CXXC4: variants seen among roughly 807,000 people sequenced by gnomAD.
CXXC4 encodes CXXC-type zinc finger protein 4.
A neutral mutation model predicts 20.5 loss-of-function variants in CXXC4; 5 were observed. The ratio of observed to expected loss-of-function variants is 0.24; its 90% CI spans 0.13 to 0.51. The LOEUF (loss-of-function observed/expected upper bound fraction) is 0.51, where lower values mean the gene tolerates loss of function less well. CXXC4 is among the 20% of genes least tolerant of loss of function. The pLI is 0.97. For missense variants in CXXC4, 419 were observed against 496.4 expected, an observed-to-expected ratio of 0.84 and a Z score of 1.48; for synonymous variants, 250 against 216.4, an observed-to-expected ratio of 1.16 and a Z score of -1.36.
chr4:104,493,365 G>GCAGA (rs1941612379), intron 1 of CXXC4, among the ~76,000 whole-genome samples: 1 of 152,126 alleles, frequency 6.6e-6, no homozygotes, highest in Non-Finnish European at 1.5e-5. Flanking sequence ...GGTCTAGAAT[G>GCAGA]CAGAGTTCAG....
At chr4:104,489,371 T>C (rs1004962147) in intron 2 of CXXC4, among the ~76,000 whole-genome samples, 11 of 152,208 alleles carry the variant, frequency 7.2e-5, no homozygotes, top group African/African-American at 2.7e-4. Context: ...TTCTTTGTGT[T>C]CAAACCTGTA....
intron 2 of CXXC4, among the ~76,000 whole-genome samples, chr4:104,487,438 T>C (rs1229448567): frequency 6.6e-6 from 1 of 152,160 alleles, no homozygotes; most frequent in Non-Finnish European, 1.5e-5. Flanking sequence ...CCTTGAGCCA[T>C]ATCAGATTGG....
chr4:104,488,728 C>T (rs1407849591), intron 2 of CXXC4, among the ~76,000 whole-genome samples: 3 of 152,166 alleles, frequency 2.0e-5, no homozygotes, highest in Non-Finnish European at 4.4e-5. Context: ...AATATCACAA[C>T]AAGCTTGTAG....
Position 104,491,414 on chromosome 4 carries a change from C to G in CXXC4, c.389G>C (p.Gly130Ala). 1 of 1,077,580 alleles carries G rather than the reference C, an allele frequency of 9.3e-7. No homozygotes were observed. The highest frequency in any genetic ancestry group is 3.5e-4 in the Middle Eastern group (1 of 2,840). 66.8% of individuals were successfully genotyped at this position (1,077,580 alleles called of 1,614,324 possible). A position where few individuals can be genotyped will look rare whatever the true frequency, so the allele number is the denominator to read the frequency against. ...GGAGGATTTCCTGCCGCCCCCACCA[C>G]CCCCGCCCCCGCCTCCGCCGCCGCC... ...GGGGGGGGGG[G>A]GGGGRKSSSA... The change falls in exon 2 of 3, where the codon GGT becomes GCT. Residue 130 changes from glycine to alanine, a missense_variant. This residue lies in a region of CXXC4 where 388 missense variants were observed against 416.0 expected (regional missense o/e 0.93). Transcript: ENST00000394767.
chr4:104,486,116 T>C (rs997609818), intron 2 of CXXC4, among the ~76,000 whole-genome samples: 3 of 152,074 alleles, frequency 2.0e-5, no homozygotes, highest in Non-Finnish European at 2.9e-5. Context: ...ATTACTTTAT[T>C]TTATTATTCC....
chr4:104,487,913 C>A (rs1464577684), intron 2 of CXXC4, among the ~76,000 whole-genome samples: 2 of 151,932 alleles, frequency 1.3e-5, no homozygotes, highest in Admixed American at 1.3e-4. Flanking sequence ...AGGGAGGAGG[C>A]TTTGAAAAAA....
intron 2 of CXXC4, among the ~76,000 whole-genome samples, chr4:104,489,281 C>T (rs1380570281): frequency 6.6e-6 from 1 of 151,998 alleles, no homozygotes; most frequent in Non-Finnish European, 1.5e-5. Flanking sequence ...ATGACATCAA[C>T]ATAATTCTGA....
At chr4:104,477,828 T>C (rs1736453831) in intron 2 of CXXC4, among the ~76,000 whole-genome samples, 2 of 152,126 alleles carry the variant, frequency 1.3e-5, no homozygotes, top group Non-Finnish European at 2.9e-5. Context: ...ATCCATATTA[T>C]GTCTGTAATG....
chr4:104,489,108 A>C (rs1736769415), intron 2 of CXXC4, among the ~76,000 whole-genome samples: 1 of 152,220 alleles, frequency 6.6e-6, no homozygotes, highest in Non-Finnish European at 1.5e-5. Context: ...CTAAGAAAAT[A>C]CATGGACCTG....
Position 104,491,068 on chromosome 4 carries a change from G to A in CXXC4, c.735C>T (p.Ile245=), listed in dbSNP as rs1736836252. 6.2e-7 allele frequency: 1 copy of A among 1,614,086 alleles called. No individual in the cohort carries two copies. The highest frequency in any genetic ancestry group is 8.5e-7 in the Non-Finnish European group (1 of 1,179,992). The change falls in exon 2 of 3, where the codon ATC becomes ATT. Residue 245 remains isoleucine (I), a synonymous_variant. Transcript: ENST00000394767. ...TFSAIPALGG[I]SLPPGVIVMT... ...TGACGATGACCCCTGGAGGTAATGA[G>A]ATGCCCCCTAAAGCCGGGATAGCGG...
At chr4:104,479,669 T>C (rs1736503747) in intron 2 of CXXC4, among the ~76,000 whole-genome samples, 1 of 152,142 alleles carries the variant, frequency 6.6e-6, no homozygotes, top group Non-Finnish European at 1.5e-5. Context: ...CCAAAATAAT[T>C]TACTTTGATT....
At chr4:104,482,096 G>T (rs1736571896) in intron 2 of CXXC4, among the ~76,000 whole-genome samples, 1 of 152,122 alleles carries the variant, frequency 6.6e-6, no homozygotes, top group Non-Finnish European at 1.5e-5. Context: ...AACAGAAGTT[G>T]AACAATGCTT....
At position 104,472,381 on chromosome 4, in the gene CXXC4, C is replaced by T; in HGVS notation, c.1060-15G>A. On this transcript the variant is annotated splice_polypyrimidine_tract_variant and intron_variant, in intron 2 of 2. Transcript: ENST00000394767. ...ACAGGTGTTCTCTATAAAAAAAGAG[C>T]AAGAAAACAAGTTAAGCTTTCTTTC... 1 of 1,584,048 alleles carries T rather than the reference C, an allele frequency of 6.3e-7. No homozygotes were observed. Among genetic ancestry groups the T allele is most frequent in the Non-Finnish European group, 8.6e-7 (1 of 1,162,472 alleles).
intron 2 of CXXC4, among the ~76,000 whole-genome samples, chr4:104,484,679 A>C (rs1337174168): frequency 6.6e-6 from 1 of 152,004 alleles, no homozygotes; most frequent in Non-Finnish European, 1.5e-5. Flanking sequence ...AGAGGAAAAA[A>C]TATTTCTCAT....
chr4:104,475,674 C>G (rs946077556), intron 2 of CXXC4, among the ~76,000 whole-genome samples: 1 of 152,052 alleles, frequency 6.6e-6, no homozygotes, highest in African/African-American at 2.4e-5. Flanking sequence ...CACCAATGTG[C>G]GGGATTAAAT....
intron 2 of CXXC4, among the ~76,000 whole-genome samples, chr4:104,475,858 T>C (rs1215148789): frequency 2.0e-5 from 3 of 152,042 alleles, no homozygotes; most frequent in South Asian, 2.1e-4. Flanking sequence ...AGGTAAAGAA[T>C]AGAATTGAGT....
At chr4:104,482,483 A>G (rs1486396954) in intron 2 of CXXC4, among the ~76,000 whole-genome samples, 5 of 152,126 alleles carry the variant, frequency 3.3e-5, no homozygotes, top group African/African-American at 9.7e-5. Context: ...CACTTCTTAT[A>G]CACCTACATA....
chr4:104,489,018 T>C (rs1356645966), intron 2 of CXXC4, among the ~76,000 whole-genome samples: 1 of 152,186 alleles, frequency 6.6e-6, no homozygotes, highest in Non-Finnish European at 1.5e-5. Flanking sequence ...CAGTATGAAC[T>C]GAATTTTAAT....
At chr4:104,486,124 T>A (rs1030062226) in intron 2 of CXXC4, among the ~76,000 whole-genome samples, 19 of 152,104 alleles carry the variant, frequency 1.2e-4, no homozygotes, top group African/African-American at 3.4e-4. Context: ...ATTTTATTAT[T>A]CCTAATTGCC....
Sources: gnomAD v4.1 joint callset for allele counts (sites outside exome capture counted in the v4.1 genomes callset) on GRCh38, gnomAD v4.1.1 for gene constraint, gnomAD v4.1.1 regional missense constraint, MANE v1.5 for transcripts, NCBI Gene and HGNC (gene_info 2026-07-23, HGNC 2026-07-21) for gene names.